Variants in HS6ST3 observed in about 807,000 individuals in gnomAD.
The protein encoded by HS6ST3 is heparan-sulfate 6-O-sulfotransferase 3.
HS6ST3 carries 12 observed loss-of-function variants against 36.7 expected under a neutral mutation model. That is an observed-to-expected ratio of 0.33 (90% CI 0.21 to 0.53). The LOEUF (loss-of-function observed/expected upper bound fraction) is 0.53, where lower values mean the gene tolerates loss of function less well. Among genes scored for constraint, HS6ST3 ranks in the 20% least tolerant of loss-of-function variants. The pLI is 0.95. For synonymous variants in HS6ST3, 240 were observed against 257.5 expected (o/e 0.93, Z 0.65); for missense variants, 584 against 640.9 (o/e 0.91, Z 0.96).
chr13:96,810,386 C>A (rs954601620), intron 1 of HS6ST3, among the ~76,000 whole-genome samples: 1 of 152,096 alleles, frequency 6.6e-6, no homozygotes, highest in Non-Finnish European at 1.5e-5. Context: ...GGAAGTGTTC[C>A]ATAAATGGCA....
intron 1 of HS6ST3, among the ~76,000 whole-genome samples, chr13:96,794,583 G>T (rs1877866325): frequency 6.6e-6 from 1 of 151,908 alleles, no homozygotes; most frequent in Non-Finnish European, 1.5e-5. Flanking sequence ...AAGATATTTG[G>T]CCAAGTGTGT....
chr13:96,665,365 C>T (rs2056660307), intron 1 of HS6ST3, among the ~76,000 whole-genome samples: 1 of 152,068 alleles, frequency 6.6e-6, no homozygotes, highest in African/African-American at 2.4e-5. Flanking sequence ...GGCCCTTGTT[C>T]TCATGGTACT....
intron 1 of HS6ST3, among the ~76,000 whole-genome samples, chr13:96,271,914 A>G (rs1280219275): frequency 6.6e-6 from 1 of 151,952 alleles, no homozygotes; most frequent in Non-Finnish European, 1.5e-5. Context: ...GAATCTTTAC[A>G]AGGGCAGAGA....
intron 1 of HS6ST3, among the ~76,000 whole-genome samples, chr13:96,655,700 A>T (rs995964524): frequency 3.9e-5 from 6 of 152,098 alleles, no homozygotes; most frequent in Non-Finnish European, 8.8e-5. Flanking sequence ...AATGAAACAA[A>T]GTCACCAAAT....
intron 1 of HS6ST3, among the ~76,000 whole-genome samples, chr13:96,584,370 C>G (rs781648519): frequency 2.6e-5 from 4 of 152,114 alleles, no homozygotes; most frequent in Non-Finnish European, 4.4e-5. Context: ...TCTTGAACTC[C>G]TGATCTCAAG....
chr13:96,351,417 G>T (rs1403268268), intron 1 of HS6ST3, among the ~76,000 whole-genome samples: 1 of 151,212 alleles, frequency 6.6e-6, no homozygotes, highest in Non-Finnish European at 1.5e-5. Context: ...GACCTACTGG[G>T]CTCAGGTGAT....
intron 1 of HS6ST3, among the ~76,000 whole-genome samples, chr13:96,468,077 AT>A (rs2055823112): frequency 6.6e-6 from 1 of 152,172 alleles, no homozygotes. Flanking sequence ...TCTAAGGGCT[AT>A]GTTTTCCTAA....
chr13:96,302,673 T>A (rs903701291), intron 1 of HS6ST3, among the ~76,000 whole-genome samples: 3 of 152,132 alleles, frequency 2.0e-5, no homozygotes. Flanking sequence ...GAGAGAACTT[T>A]TGCTTTCTAT....
At chr13:96,495,347 T>C (rs1441023898) in intron 1 of HS6ST3, among the ~76,000 whole-genome samples, 1 of 152,214 alleles carries the variant, frequency 6.6e-6, no homozygotes, top group African/African-American at 2.4e-5. Flanking sequence ...TTTTGGTTTT[T>C]GGCTACTTAG....
intron 1 of HS6ST3, among the ~76,000 whole-genome samples, chr13:96,426,244 G>T (rs886150503): frequency 1.3e-5 from 2 of 152,062 alleles, no homozygotes; most frequent in Non-Finnish European, 2.9e-5. Context: ...CTCATTTCAG[G>T]GTTATATTGT....
intron 1 of HS6ST3, among the ~76,000 whole-genome samples, chr13:96,274,839 TCACACACACA>T (rs60430769): frequency 0.2 from 25,696 of 125,964 alleles, 2,765 homozygotes; most frequent in African/African-American, 0.32. Flanking sequence ...ACTTAGTCCT[TCACACACACA>T]CACACACACA....
At chr13:96,542,206 T>C (rs1280218445) in intron 1 of HS6ST3, among the ~76,000 whole-genome samples, 1 of 152,184 alleles carries the variant, frequency 6.6e-6, no homozygotes, top group East Asian at 1.9e-4. Context: ...CTTGTATTTG[T>C]AGCATTACTG....
intron 1 of HS6ST3, among the ~76,000 whole-genome samples, chr13:96,323,478 C>T (rs1430697073): frequency 1.3e-5 from 2 of 152,228 alleles, no homozygotes; most frequent in Non-Finnish European, 2.9e-5. Flanking sequence ...TCTTGACTTT[C>T]ACCTTTGCTT....
At chr13:96,487,868 T>C (rs2055923605) in intron 1 of HS6ST3, among the ~76,000 whole-genome samples, 1 of 152,182 alleles carries the variant, frequency 6.6e-6, no homozygotes, top group South Asian at 2.1e-4. Flanking sequence ...CTTGGTTTTT[T>C]GTCTATTGCC....
intron 1 of HS6ST3, among the ~76,000 whole-genome samples, chr13:96,103,491 G>A (rs186799829): frequency 1.3e-5 from 2 of 152,278 alleles, no homozygotes; most frequent in Admixed American, 6.5e-5. Context: ...CTGAATAAAC[G>A]AAAGAATGAA....
chr13:96,196,476 C>A (rs1457023604), intron 1 of HS6ST3, among the ~76,000 whole-genome samples: 1 of 152,048 alleles, frequency 6.6e-6, no homozygotes, highest in Non-Finnish European at 1.5e-5. Context: ...CCACAACAGC[C>A]CTATACCGTG....
At chr13:96,790,799 C>G (rs1380115094) in intron 1 of HS6ST3, among the ~76,000 whole-genome samples, 4 of 152,046 alleles carry the variant, frequency 2.6e-5, no homozygotes, top group Non-Finnish European at 5.9e-5. Flanking sequence ...ACAGGTGATT[C>G]TAAGATTCAA....
At chr13:96,829,907 T>C (rs538248403) in intron 1 of HS6ST3, among the ~76,000 whole-genome samples, 71 of 152,298 alleles carry the variant, frequency 4.7e-4, no homozygotes, top group African/African-American at 1.5e-3. Context: ...CTTTAGGTCT[T>C]TGAGGAATCA....
intron 1 of HS6ST3, among the ~76,000 whole-genome samples, chr13:96,696,695 T>C (rs781172009): frequency 4.6e-5 from 7 of 152,126 alleles, no homozygotes; most frequent in Non-Finnish European, 7.4e-5. Flanking sequence ...AAATGACCTT[T>C]ATACTTGAGC....
Sources: allele counts gnomAD v4.1 joint callset (sites outside exome capture counted in the v4.1 genomes callset), GRCh38; gene constraint gnomAD v4.1.1; transcripts MANE v1.5; gene names NCBI Gene and HGNC (gene_info 2026-07-23, HGNC 2026-07-21).